Variants in ROBO2 observed in about 807,000 individuals in gnomAD.
ROBO2 encodes the protein roundabout guidance receptor 2.
A neutral mutation model predicts 160.8 loss-of-function variants in ROBO2; 53 were observed. The ratio of observed to expected loss-of-function variants is 0.33; its 90% confidence interval spans 0.26 to 0.41. The LOEUF (loss-of-function observed/expected upper bound fraction) is 0.41. Among genes scored for constraint, ROBO2 ranks in the 10% least tolerant of loss-of-function variants. ROBO2 has a pLI of 1.00. For synonymous variants in ROBO2, 664 were observed against 611.7 expected, an observed-to-expected ratio of 1.09 and a Z score of -1.26; for missense variants, 1,577 against 1,722.4, an observed-to-expected ratio of 0.92 and a Z score of 1.49.
At chr3:76,502,486 G>A (rs2080515874) in intron 2 of ROBO2, among the ~76,000 whole-genome samples, 1 of 152,188 alleles carries the variant, frequency 6.6e-6, no homozygotes, top group East Asian at 1.9e-4. Flanking sequence ...GTGCTCCACT[G>A]ATATAAATAA....
chr3:77,134,134 C>G (rs753204749), intron 2 of ROBO2, among the ~76,000 whole-genome samples: 2 of 151,958 alleles, frequency 1.3e-5, no homozygotes, highest in African/African-American at 4.8e-5. Context: ...CGAGATCACA[C>G]CATTGCACTC....
At chr3:76,078,138 G>A (rs1276486971) in intron 2 of ROBO2, among the ~76,000 whole-genome samples, 1 of 152,172 alleles carries the variant, frequency 6.6e-6, no homozygotes, top group African/African-American at 2.4e-5. Context: ...ATAGAGTTTG[G>A]TAGCTAGAGG....
chr3:77,413,169 A>G (rs1029533777), intron 2 of ROBO2, among the ~76,000 whole-genome samples: 2 of 151,632 alleles, frequency 1.3e-5, no homozygotes, highest in African/African-American at 4.9e-5. Context: ...AAGTAGATAT[A>G]TAATAGACAA....
At chr3:76,531,865 TATC>T (rs2082249738) in intron 2 of ROBO2, among the ~76,000 whole-genome samples, 1 of 152,166 alleles carries the variant, frequency 6.6e-6, no homozygotes, top group East Asian at 1.9e-4. Context: ...TTACTGTCAT[TATC>T]ATATTTAATT....
intron 2 of ROBO2, among the ~76,000 whole-genome samples, chr3:76,033,621 C>T (rs2067001623): frequency 6.6e-6 from 1 of 152,188 alleles, no homozygotes; most frequent in African/African-American, 2.4e-5. Context: ...CACCCCAAAG[C>T]TTAATGACTT....
At chr3:76,205,278 T>G (rs750484370) in intron 2 of ROBO2, among the ~76,000 whole-genome samples, 15 of 152,172 alleles carry the variant, frequency 9.9e-5, no homozygotes, top group African/African-American at 2.9e-4. Context: ...TGCTGCTGCT[T>G]CTTTTTTAAT....
chr3:75,952,587 G>A (rs562826295), intron 2 of ROBO2, among the ~76,000 whole-genome samples: 5 of 151,976 alleles, frequency 3.3e-5, no homozygotes, highest in South Asian at 2.1e-4. Flanking sequence ...AACATCTTGC[G>A]ATAGTGTGGT....
chr3:76,428,767 C>A (rs907288143), intron 2 of ROBO2, among the ~76,000 whole-genome samples: 1 of 152,102 alleles, frequency 6.6e-6, no homozygotes, highest in African/African-American at 2.4e-5. Flanking sequence ...GATTAATATT[C>A]TTTTGAGTTG....
At chr3:77,159,683 C>A (rs1189553678) in intron 2 of ROBO2, among the ~76,000 whole-genome samples, 1 of 152,034 alleles carries the variant, frequency 6.6e-6, no homozygotes, top group East Asian at 1.9e-4. Flanking sequence ...TGTCTTTAGT[C>A]TATGATCAAA....
intron 2 of ROBO2, among the ~76,000 whole-genome samples, chr3:76,101,114 T>C (rs1465079644): frequency 1.3e-5 from 2 of 151,942 alleles, no homozygotes; most frequent in Non-Finnish European, 2.9e-5. Flanking sequence ...GGGAAACAGG[T>C]CCTGTCCAGA....
intron 5 of ROBO2, among the ~76,000 whole-genome samples, chr3:77,494,331 C>A (rs762325535): frequency 6.6e-6 from 1 of 152,022 alleles, no homozygotes; most frequent in Non-Finnish European, 1.5e-5. Flanking sequence ...AATCCCAACA[C>A]TTTGGGAGGC....
Position 75,938,126 on chromosome 3 carries a change from C to T in ROBO2, c.109+524C>T, listed in dbSNP as rs575277596. On this transcript the variant is annotated intron_variant, in intron 2 of 26. Coordinates refer to the ROBO2 transcript ENST00000487694. ...AAAAATGTGATGTTTCTCATTCTTC[C>T]GCCAAGTGTATTTAGGGGAAATTAA... Among the ~76,000 whole-genome samples, 36 of 151,728 alleles carry T rather than the reference C, an allele frequency of 2.4e-4. No homozygotes were observed. In the South Asian group the frequency reaches 3.8e-3, roughly 16 times the overall value.
At chr3:76,022,190 C>T (rs1576517414) in intron 2 of ROBO2, among the ~76,000 whole-genome samples, 2 of 151,922 alleles carry the variant, frequency 1.3e-5, no homozygotes, top group African/African-American at 4.8e-5. Flanking sequence ...TCAGGCTCCA[C>T]TTCTAATTCT....
intron 1 of ROBO2, among the ~76,000 whole-genome samples, chr3:77,077,474 G>A (rs970039201): frequency 3.9e-5 from 6 of 152,176 alleles, no homozygotes; most frequent in African/African-American, 9.7e-5. Context: ...CGACTTCTGA[G>A]TTATTGTATA....
chr3:77,191,897 C>A (rs2081889853), intron 2 of ROBO2, among the ~76,000 whole-genome samples: 2 of 152,174 alleles, frequency 1.3e-5, no homozygotes, highest in African/African-American at 4.8e-5. Context: ...TAAAAGTATA[C>A]TGGCGAGAGA....
At chr3:76,263,122 C>T (rs866060513) in intron 2 of ROBO2, among the ~76,000 whole-genome samples, 9 of 152,194 alleles carry the variant, frequency 5.9e-5, no homozygotes, top group South Asian at 2.1e-4. Flanking sequence ...AAGCATTGTT[C>T]TCCTGGTTAC....
At chr3:76,740,465 G>A (rs2093783685) in intron 2 of ROBO2, among the ~76,000 whole-genome samples, 1 of 152,118 alleles carries the variant, frequency 6.6e-6, no homozygotes, top group Admixed American at 6.6e-5. Flanking sequence ...ATAAATTGAG[G>A]AAATGTTCAC....
At chr3:76,451,728 T>C (rs1180566039) in intron 2 of ROBO2, among the ~76,000 whole-genome samples, 1 of 152,194 alleles carries the variant, frequency 6.6e-6, no homozygotes, top group Non-Finnish European at 1.5e-5. Flanking sequence ...ATTCAATCCG[T>C]ATTCCTCTGA....
chr3:77,281,680 A>T (rs1260481758), intron 2 of ROBO2, among the ~76,000 whole-genome samples: 1 of 152,134 alleles, frequency 6.6e-6, no homozygotes, highest in Non-Finnish European at 1.5e-5. Flanking sequence ...TTTAAATCAG[A>T]TGTCCCCAAC....
Sources: gnomAD v4.1 joint callset for allele counts (sites outside exome capture counted in the v4.1 genomes callset) on GRCh38, gnomAD v4.1.1 for gene constraint, MANE v1.5 for transcripts, NCBI Gene and HGNC (gene_info 2026-07-23, HGNC 2026-07-21) for gene names.